Variants in PDE10A observed in about 807,000 individuals in gnomAD.
PDE10A encodes phosphodiesterase 10A.
PDE10A carries 39 observed loss-of-function variants against 97.7 expected under a neutral mutation model. That is an observed-to-expected ratio of 0.40 (90% CI 0.31 to 0.52). The LOEUF is 0.52. Among genes scored for constraint, PDE10A ranks in the 20% least tolerant of loss-of-function variants. The probability of loss-of-function intolerance (pLI) is 0.56; values close to 1 mark genes in which losing one functional copy is unlikely to be tolerated. For missense variants in PDE10A, 731 were observed against 1,047.8 expected, an observed-to-expected ratio of 0.70 and a Z score of 4.17; for synonymous variants, 371 against 376.8, an observed-to-expected ratio of 0.98 and a Z score of 0.18.
At chr6:165,791,740 A>T (rs1018793467) in intron 1 of PDE10A, among the ~76,000 whole-genome samples, 2 of 152,210 alleles carry the variant, frequency 1.3e-5, no homozygotes, top group African/African-American at 2.4e-5. Flanking sequence ...GTCTCCGGCC[A>T]GGTCAGCTTG....
chr6:165,504,916 T>G (rs1479949481), intron 2 of PDE10A, among the ~76,000 whole-genome samples: 1 of 152,110 alleles, frequency 6.6e-6, no homozygotes, highest in East Asian at 1.9e-4. Flanking sequence ...GAGACTGAAT[T>G]CAGAACTGAG....
At chr6:165,824,968 T>TAAAAA (rs71890265) in intron 1 of PDE10A, among the ~76,000 whole-genome samples, 1 of 92,388 alleles carries the variant, frequency 1.1e-5, no homozygotes, top group African/African-American at 4.7e-5. Context: ...CCGTCTCTAC[T>TAAAAA]AAAAAAAAAA....
At chr6:165,572,253 C>T (rs937968016) in intron 1 of PDE10A, among the ~76,000 whole-genome samples, 8 of 152,302 alleles carry the variant, frequency 5.3e-5, no homozygotes, top group Admixed American at 1.3e-4. Context: ...TTATCGAAGA[C>T]GACTACCAAG....
At chr6:165,749,138 TTAAA>T (rs1185456036) in intron 1 of PDE10A, among the ~76,000 whole-genome samples, 3 of 31,284 alleles carry the variant, frequency 9.6e-5, no homozygotes, top group Admixed American at 3.8e-4. Context: ...TACAAAGTAC[TTAAA>T]TAAAGACATA....
At chr6:165,841,710 T>C (rs2128473292) in intron 1 of PDE10A, among the ~76,000 whole-genome samples, 1 of 152,332 alleles carries the variant, frequency 6.6e-6, no homozygotes, top group South Asian at 2.1e-4. Flanking sequence ...AGAAGTCCAC[T>C]GTGACAGTGC....
intron 20 of PDE10A, among the ~76,000 whole-genome samples, chr6:165,337,019 A>G (rs578006472): frequency 6.6e-6 from 1 of 152,090 alleles, no homozygotes; most frequent in East Asian, 1.9e-4. Context: ...TGGTGTCCCA[A>G]TATTTACTCA....
At chr6:165,809,117 C>T (rs1050586097) in intron 1 of PDE10A, among the ~76,000 whole-genome samples, 9 of 152,206 alleles carry the variant, frequency 5.9e-5, no homozygotes, top group Admixed American at 2.6e-4. Flanking sequence ...TAAGTGTACA[C>T]AGCTCAGGTA....
intron 1 of PDE10A, among the ~76,000 whole-genome samples, chr6:165,612,144 A>G (rs1787524275): frequency 6.6e-6 from 1 of 152,226 alleles, no homozygotes; most frequent in Admixed American, 6.5e-5. Context: ...TGTTATCTAG[A>G]CCAAATGAGA....
chr6:165,666,288 A>G (rs1790494436), upstream of PDE10A, among the ~76,000 whole-genome samples: 2 of 152,218 alleles, frequency 1.3e-5, no homozygotes, highest in African/African-American at 4.8e-5. Flanking sequence ...TTTTTAAATA[A>G]TAACCTTTCT....
At chr6:165,471,439 G>A (rs221726) in intron 3 of PDE10A, among the ~76,000 whole-genome samples, 124,060 of 152,022 alleles carry the variant, frequency 0.82, 50,906 homozygotes, top group East Asian at 1. Flanking sequence ...AACCCAGAAC[G>A]TTTACCTAAA....
chr6:165,578,049 C>T (rs1017418900), intron 1 of PDE10A, among the ~76,000 whole-genome samples: 68 of 152,306 alleles, frequency 4.5e-4, no homozygotes, highest in Non-Finnish European at 4.3e-4. Context: ...GGGTGAGCCA[C>T]GACCTTGAGC....
chr6:165,368,216 GA>G (rs1783951680), intron 18 of PDE10A, among the ~76,000 whole-genome samples: 1 of 152,130 alleles, frequency 6.6e-6, no homozygotes, highest in South Asian at 2.1e-4. Flanking sequence ...GGCTGGCCTT[GA>G]ACTCCCGGCC....
chr6:165,933,781 A>G (rs1017823588), intron 1 of PDE10A, among the ~76,000 whole-genome samples: 4 of 152,138 alleles, frequency 2.6e-5, no homozygotes, highest in Admixed American at 2.6e-4. Context: ...ATGTAACACA[A>G]CATTCTGGAA....
intron 1 of PDE10A, among the ~76,000 whole-genome samples, chr6:165,907,430 G>A (rs1408731426): frequency 2.0e-5 from 3 of 152,264 alleles, no homozygotes; most frequent in Non-Finnish European, 4.4e-5. Flanking sequence ...TGCTGGAACT[G>A]GATTCAGGTG....
intron 1 of PDE10A, among the ~76,000 whole-genome samples, chr6:165,959,536 C>T (rs1485508906): frequency 1.3e-5 from 2 of 152,180 alleles, no homozygotes; most frequent in Admixed American, 6.5e-5. Flanking sequence ...TTTCTGCATT[C>T]ATTTCAGGAG....
At chr6:165,980,467 T>C (rs887409335) in intron 1 of PDE10A, among the ~76,000 whole-genome samples, 5 of 152,232 alleles carry the variant, frequency 3.3e-5, no homozygotes, top group African/African-American at 7.2e-5. Flanking sequence ...AAATCAATTA[T>C]GGCACATTGT....
intron 1 of PDE10A, among the ~76,000 whole-genome samples, chr6:165,697,164 G>A (rs1460056984): frequency 6.6e-6 from 1 of 152,122 alleles, no homozygotes; most frequent in Non-Finnish European, 1.5e-5. Context: ...AACCATCCAG[G>A]AAGCTTAATG....
At chr6:165,952,309 C>A (rs1177517909) in intron 1 of PDE10A, among the ~76,000 whole-genome samples, 1 of 152,264 alleles carries the variant, frequency 6.6e-6, no homozygotes, top group Non-Finnish European at 1.5e-5. Context: ...TCTCACGGAG[C>A]ATAACTATAC....
intron 9 of PDE10A, 140 bp from the exon 10 acceptor site, chr6:165,428,849 CAAA>C: frequency 4.8e-6 from 2 of 413,912 alleles, no homozygotes; most frequent in South Asian, 4.0e-5. Context: ...TCTGCTTTGG[CAAA>C]AAAAAAAATC....
Sources: allele counts gnomAD v4.1 joint callset (sites outside exome capture counted in the v4.1 genomes callset), GRCh38; gene constraint gnomAD v4.1.1; transcripts MANE v1.5; gene names NCBI Gene and HGNC (gene_info 2026-07-23, HGNC 2026-07-21).